The following MALRD1 variants were observed in gnomAD, a reference collection of about 807,000 sequenced individuals.
The protein encoded by MALRD1 is MAM and LDL receptor class A domain containing 1.
MALRD1 carries 247 observed loss-of-function variants against 242.1 expected under a neutral mutation model. The observed-to-expected ratio is 1.02, with a 90% CI of 0.92 to 1.13. The LOEUF (loss-of-function observed/expected upper bound fraction) is 1.13. Among genes scored for constraint, MALRD1 ranks in the 50% most tolerant of loss-of-function variants. The pLI is 0.00. For synonymous variants in MALRD1, 995 were observed against 866.6 expected (o/e 1.15, Z -2.60); for missense variants, 2,989 against 2,533.1 (o/e 1.18, Z -3.86).
At chr10:19,094,656 C>G (rs1027335578) in intron 4 of MALRD1, among the ~76,000 whole-genome samples, 11 of 152,184 alleles carry the variant, frequency 7.2e-5, no homozygotes, top group African/African-American at 2.2e-4. Context: ...TCCTTCCAGA[C>G]TTTTCTCATG....
In MALRD1 at chr10:19,270,150, A is replaced by C. The variant is rs553406633; in HGVS notation, c.3080-9897A>C. Among the ~76,000 whole-genome samples the C allele has an allele frequency of 8.5e-5, 13 of 152,268 alleles. No individual in the cohort carries two copies. In the East Asian group the frequency reaches 2.3e-3, roughly 27 times the overall value. On this transcript the variant is annotated intron_variant, in intron 19 of 39. Transcript: ENST00000454679. ...GCCAACACGGTGAAACCCGGTCTCT[A>C]CTGAAAATACAAAAACTTAGATGGG...
chr10:19,399,978 C>G (rs1292634418), intron 28 of MALRD1, among the ~76,000 whole-genome samples: 1 of 152,164 alleles, frequency 6.6e-6, no homozygotes, highest in African/African-American at 2.4e-5. Context: ...CTATTTCTAA[C>G]TAACAATTCC....
chr10:19,129,048 T>G (rs1451011728), intron 8 of MALRD1, among the ~76,000 whole-genome samples: 1 of 152,144 alleles, frequency 6.6e-6, no homozygotes. Flanking sequence ...GATGCATGTT[T>G]TTTTTCCAAC....
At chr10:19,478,654 A>G (rs12265190) in intron 29 of MALRD1, among the ~76,000 whole-genome samples, 53,196 of 151,912 alleles carry the variant, frequency 0.35, 9,603 homozygotes, top group East Asian at 0.43. Context: ...TATTATTTCA[A>G]TACTCCTTAT....
intron 36 of MALRD1, among the ~76,000 whole-genome samples, chr10:19,662,533 T>C (rs1015196658): frequency 6.6e-6 from 1 of 152,158 alleles, no homozygotes; most frequent in Non-Finnish European, 1.5e-5. Context: ...TAAAACGTTA[T>C]GTATTTGTAG....
chr10:19,384,874 A>G, intron 26 of MALRD1, among the ~76,000 whole-genome samples: 1 of 151,038 alleles, frequency 6.6e-6, no homozygotes, highest in African/African-American at 2.4e-5. Context: ...AAAATTTTTT[A>G]CTGTTGAGTG....
intron 36 of MALRD1, among the ~76,000 whole-genome samples, chr10:19,643,065 T>A (rs973700518): frequency 5.9e-5 from 9 of 152,198 alleles, no homozygotes; most frequent in African/African-American, 2.2e-4. Context: ...GTTGTCTTCA[T>A]ATCTCTTTTT....
chr10:19,614,026 C>G (rs1839022635), intron 35 of MALRD1, among the ~76,000 whole-genome samples: 1 of 151,988 alleles, frequency 6.6e-6, no homozygotes, highest in African/African-American at 2.4e-5. Context: ...ATTTTAATGC[C>G]ACACTCACAT....
chr10:19,617,205 C>T (rs868838534), intron 36 of MALRD1, among the ~76,000 whole-genome samples: 1 of 151,882 alleles, frequency 6.6e-6, no homozygotes. Flanking sequence ...CTCTCGTAGT[C>T]TTAAATAAAC....
At chr10:19,719,244 A>ACATACATACATATATATATATG (rs1834621703) in intron 38 of MALRD1, among the ~76,000 whole-genome samples, 3 of 96,932 alleles carry the variant, frequency 3.1e-5, no homozygotes, top group African/African-American at 8.9e-5. Flanking sequence ...ATATATATAT[A>ACATACATACATATATATATATG]TATATATATA....
rs74925498 is a variant in MALRD1, at chr10:19,074,598, T to C, written c.340+7739T>C. On this transcript the variant is annotated intron_variant, in intron 2 of 39. Transcript: ENST00000454679. ...ATGGAATCATAGTTGACAACTTAGA[T>C]ACTTATTTGAATTAACTGATAGATA... Among the ~76,000 whole-genome samples the C allele has an allele frequency of 9.6e-5, 13 of 134,980 alleles. No individual in the cohort carries two copies. In the East Asian group the frequency reaches 2.8e-3, roughly 29 times the overall value. 88.6% of individuals were successfully genotyped at this position (134,980 alleles called of 152,430 possible).
intron 36 of MALRD1, among the ~76,000 whole-genome samples, chr10:19,672,756 C>T (rs141321448): frequency 6.6e-6 from 1 of 151,880 alleles, no homozygotes; most frequent in African/African-American, 2.4e-5. Context: ...ATCAGTTAGC[C>T]TTCATCTTTT....
At chr10:19,397,538 C>T (rs1269492256) in intron 28 of MALRD1, among the ~76,000 whole-genome samples, 1 of 152,082 alleles carries the variant, frequency 6.6e-6, no homozygotes, top group Non-Finnish European at 1.5e-5. Flanking sequence ...AATAGTGCTA[C>T]AATAAACATG....
At chr10:19,604,117 G>C (rs149431375) in intron 34 of MALRD1, among the ~76,000 whole-genome samples, 4 of 152,154 alleles carry the variant, frequency 2.6e-5, no homozygotes, top group Non-Finnish European at 5.9e-5. Context: ...TGAAAGCTGG[G>C]CCTCTTGCTC....
intron 32 of MALRD1, among the ~76,000 whole-genome samples, chr10:19,542,870 G>A: frequency 6.6e-6 from 1 of 152,152 alleles, no homozygotes; most frequent in East Asian, 1.9e-4. Flanking sequence ...AGATTTTTAT[G>A]TGTTGAAGTT....
intron 36 of MALRD1, among the ~76,000 whole-genome samples, chr10:19,688,660 C>T (rs1165364265): frequency 6.6e-6 from 1 of 152,138 alleles, no homozygotes. Flanking sequence ...CGCTTCCAGC[C>T]CACAGTACTC....
At chr10:19,149,410 T>C (rs1166139311) in intron 11 of MALRD1, among the ~76,000 whole-genome samples, 1 of 152,136 alleles carries the variant, frequency 6.6e-6, no homozygotes, top group African/African-American at 2.4e-5. Flanking sequence ...CTGCCTTTTT[T>C]GCTTCGTTTC....
intron 28 of MALRD1, among the ~76,000 whole-genome samples, chr10:19,427,378 A>T (rs1833942156): frequency 6.6e-6 from 1 of 152,198 alleles, no homozygotes; most frequent in Non-Finnish European, 1.5e-5. Flanking sequence ...TCAAAATTTT[A>T]TTTTTAATTC....
At chr10:19,340,286 T>C (rs1843788937) in intron 24 of MALRD1, among the ~76,000 whole-genome samples, 1 of 152,144 alleles carries the variant, frequency 6.6e-6, no homozygotes, top group Non-Finnish European at 1.5e-5. Context: ...TTACACTCTT[T>C]TAGTTATTTT....
Sources: gnomAD v4.1 joint callset for allele counts (sites outside exome capture counted in the v4.1 genomes callset) on GRCh38, gnomAD v4.1.1 for gene constraint, MANE v1.5 for transcripts, NCBI Gene and HGNC (gene_info 2026-07-23, HGNC 2026-07-21) for gene names.